The following ZNF654 variants were observed in gnomAD, a reference collection of about 807,000 sequenced individuals.
The protein encoded by ZNF654 is zinc finger protein 654, also known as melanoma-associated antigen.
In ZNF654, 19 loss-of-function variants were observed where a neutral mutation model predicts 95.3. The observed-to-expected ratio is 0.20, with a 90% CI of 0.14 to 0.29. The LOEUF is 0.29. Ranked by LOEUF, ZNF654 falls within the 10% of genes least tolerant of loss-of-function variation. The probability of loss-of-function intolerance (pLI) is 1.00; values close to 1 mark genes in which losing one functional copy is unlikely to be tolerated. For synonymous variants in ZNF654, 413 were observed against 457.9 expected (o/e 0.90, Z 1.25); for missense variants, 1,046 against 1,341.0 (o/e 0.78, Z 3.44).
intron 1 of ZNF654, among the ~76,000 whole-genome samples, chr3:88,075,691 G>C (rs1707761534): frequency 6.6e-6 from 1 of 152,080 alleles, no homozygotes; most frequent in Non-Finnish European, 1.5e-5. Context: ...TTTCAGATAA[G>C]CAGCTGGTTT....
chr3:88,088,828 A>G lies in ZNF654; in HGVS notation c.332+2426A>G, dbSNP rs1036456887. On this transcript the variant is annotated intron_variant, in intron 2 of 8. Transcript: ENST00000636215. ...GGCTCTGTCGCCTAGGTTGGAGTAC[A>G]GTGGCATGATCTCGGCTCACTGCAA... is the stretch of plus-strand genomic sequence containing the variant. Among the ~76,000 whole-genome samples the G allele has an allele frequency of 1.8e-4, 28 of 152,098 alleles. No homozygotes were observed. In the East Asian group the frequency reaches 4.1e-3, roughly 22 times the overall value.
At chr3:88,070,001 A>C (rs1707416620) in intron 1 of ZNF654, among the ~76,000 whole-genome samples, 1 of 152,232 alleles carries the variant, frequency 6.6e-6, no homozygotes, top group Admixed American at 6.5e-5. Flanking sequence ...GTCATTTGAC[A>C]AATCTCTCAA....
intron 1 of ZNF654, among the ~76,000 whole-genome samples, chr3:88,065,079 ATTATTT>A (rs1414108295): frequency 6.6e-6 from 1 of 152,224 alleles, no homozygotes; most frequent in African/African-American, 2.4e-5. Flanking sequence ...TTGATGCAAA[ATTATTT>A]TTATTTCTCA....
chr3:88,110,094 A>G (rs1704997969), intron 2 of ZNF654, among the ~76,000 whole-genome samples: 2 of 152,154 alleles, frequency 1.3e-5, no homozygotes, highest in South Asian at 4.1e-4. Context: ...TAATGGTTGT[A>G]CTATGTTATT....
At chr3:88,138,403 A>G (rs1472608617) in intron 7 of ZNF654, among the ~76,000 whole-genome samples, 2 of 151,956 alleles carry the variant, frequency 1.3e-5, no homozygotes, top group Admixed American at 6.6e-5. Context: ...AATCTTAATC[A>G]CCATAAGTTT....
chr3:88,092,302 T>G (rs1030044191), intron 2 of ZNF654, among the ~76,000 whole-genome samples: 1 of 152,166 alleles, frequency 6.6e-6, no homozygotes, highest in Non-Finnish European at 1.5e-5. Context: ...CTTCTAGGGA[T>G]AAAATAGAAT....
intron 2 of ZNF654, among the ~76,000 whole-genome samples, chr3:88,110,993 T>G (rs1705055808): frequency 6.6e-6 from 1 of 152,090 alleles, no homozygotes; most frequent in East Asian, 1.9e-4. Context: ...CACTACCATC[T>G]GTGCTTTAGA....
In ZNF654 at chr3:88,126,108, G is replaced by A. The variant is rs1004074573; in HGVS notation, c.415-26G>A. On this transcript the variant is annotated intron_variant, in intron 3 of 8. Transcript: ENST00000636215. ...AGTTTTTAACCCCTTTAAATTCACA[G>A]AGCCAAAATGATTTTTCTCTCCTAG... is the stretch of plus-strand genomic sequence containing the variant. 5.5e-6 allele frequency: 8 copies of A among 1,449,394 alleles called. No individual in the cohort carries two copies. In the African/African-American group the frequency reaches 9.9e-5, roughly 18 times the overall value. The allele number at this position is 1,449,394 out of a possible 1,614,324, so 89.8% of individuals were successfully genotyped here.
chr3:88,082,348 A>G (rs1453673496), intron 1 of ZNF654, among the ~76,000 whole-genome samples: 1 of 152,184 alleles, frequency 6.6e-6, no homozygotes, highest in Admixed American at 6.5e-5. Context: ...GATGGTCTCG[A>G]TCTCTTGACC....
intron 2 of ZNF654, among the ~76,000 whole-genome samples, chr3:88,109,912 C>A (rs576415353): frequency 7.9e-5 from 12 of 152,118 alleles, no homozygotes; most frequent in African/African-American, 2.6e-4. Flanking sequence ...GGAAAGAAAT[C>A]TTTTGATGAG....
chr3:88,062,535 G>A (rs1176847573), intron 1 of ZNF654, among the ~76,000 whole-genome samples: 1 of 152,184 alleles, frequency 6.6e-6, no homozygotes, highest in East Asian at 1.9e-4. Flanking sequence ...GACTTGTTAA[G>A]TGCTGTAAAC....
chr3:88,090,346 G>C (rs1192942054), intron 2 of ZNF654, among the ~76,000 whole-genome samples: 1 of 152,078 alleles, frequency 6.6e-6, no homozygotes, highest in Non-Finnish European at 1.5e-5. Context: ...AGGCTGATCA[G>C]TATGTGACTT....
intron 3 of ZNF654, among the ~76,000 whole-genome samples, chr3:88,113,524 A>G (rs756435613): frequency 6.6e-6 from 1 of 152,122 alleles, no homozygotes; most frequent in African/African-American, 2.4e-5. Flanking sequence ...ATCCCATGCC[A>G]CTTTTTCCCT....
At chr3:88,137,950 A>G (rs1559735097) in intron 7 of ZNF654, among the ~76,000 whole-genome samples, 1 of 152,138 alleles carries the variant, frequency 6.6e-6, no homozygotes, top group Non-Finnish European at 1.5e-5. Context: ...TCCAATCAAA[A>G]TAAGCCTTTA....
chr3:88,088,441 T>C (rs914241562), intron 2 of ZNF654, among the ~76,000 whole-genome samples: 1 of 152,150 alleles, frequency 6.6e-6, no homozygotes, highest in Non-Finnish European at 1.5e-5. Flanking sequence ...AGAAGTTACG[T>C]ACAACATTAA....
rs113215109 is a variant in ZNF654, at chr3:88,080,777, T to G, written c.187-5480T>G. On this transcript the variant is annotated intron_variant, in intron 1 of 8. Coordinates refer to ENST00000636215, the MANE Select transcript of ZNF654 (RefSeq NM_001350134.2). ...TATCAAATAACATCCAGAAAATCTA[T>G]AACAACATTGAAATTTGAGGGAAAA... Among the ~76,000 whole-genome samples, 458 of 152,328 alleles carry G rather than the reference T, an allele frequency of 3.0e-3. 2 individuals carry two copies. The highest frequency in any genetic ancestry group is 0.011 in the African/African-American group (438 of 41,584).
Position 88,059,333 on chromosome 3 carries a change from A to G in ZNF654, c.14A>G (p.Glu5Gly), listed in dbSNP as rs765380778. 9 of 1,534,224 alleles carry G rather than the reference A, an allele frequency of 5.9e-6. No homozygotes were observed. Among genetic ancestry groups the G allele is most frequent in the Non-Finnish European group, 7.8e-6 (9 of 1,146,650 alleles). Reference sequence around the variant, plus strand: ...GGCGAGAGCCTCATGGCGGAGGAAGAGAGCGACCAAGAGGCCGAACGCCTC... The same window carrying G: ...GGCGAGAGCCTCATGGCGGAGGAAGGGAGCGACCAAGAGGCCGAACGCCTC... MAEEESDQEAERLGE... is the reference protein window; with the variant it reads MAEEGSDQEAERLGE... Residue 5 changes from glutamate to glycine, a missense_variant, in exon 1 of 9, where the codon GAG becomes GGG. By Grantham distance (98) the Glu-to-Gly change is moderately conservative. Around this residue, in one of 9 missense-constraint regions of ZNF654, gnomAD observed 89 missense variants for 77.9 expected, o/e 1.14. Coordinates refer to ENST00000636215, the MANE Select transcript of ZNF654 (RefSeq NM_001350134.2).
intron 1 of ZNF654, among the ~76,000 whole-genome samples, chr3:88,081,418 A>G (rs1559696766): frequency 6.6e-6 from 1 of 152,074 alleles, no homozygotes; most frequent in African/African-American, 2.4e-5. Flanking sequence ...TTCACTCACT[A>G]TTAGCATCGA....
At chr3:88,113,047 GT>G (rs1705189809) in intron 2 of ZNF654, 67 bp from the exon 3 acceptor site, 2 of 1,122,006 alleles carry the variant, frequency 1.8e-6, no homozygotes, top group Admixed American at 4.6e-5. Flanking sequence ...AGCTGATACT[GT>G]TTGATAATCT....
Sources: allele counts gnomAD v4.1 joint callset (sites outside exome capture counted in the v4.1 genomes callset), GRCh38; gene constraint gnomAD v4.1.1; regional missense constraint gnomAD v4.1.1; transcripts MANE v1.5; gene names NCBI Gene and HGNC (gene_info 2026-07-23, HGNC 2026-07-21).